The following ERC2 variants were observed in gnomAD, a reference collection of about 807,000 sequenced individuals.
ERC2 encodes ERC protein 2.
ERC2 carries 42 observed loss-of-function variants against 114.8 expected under a neutral mutation model. The observed-to-expected ratio is 0.37, with a 90% confidence interval of 0.29 to 0.47. ERC2 has a LOEUF of 0.47. ERC2 is among the 20% of genes least tolerant of loss of function. The pLI is 0.99. For synonymous variants in ERC2, 454 were observed against 425.5 expected, an observed-to-expected ratio of 1.07 and a Z score of -0.82; for missense variants, 939 against 1,150.7, an observed-to-expected ratio of 0.82 and a Z score of 2.66.
intron 3 of ERC2, among the ~76,000 whole-genome samples, chr3:56,277,042 C>T (rs1401547864): frequency 6.6e-6 from 1 of 152,186 alleles, no homozygotes; most frequent in Non-Finnish European, 1.5e-5. Context: ...GGACCAAACG[C>T]AAAGGTCCCT....
intron 7 of ERC2, among the ~76,000 whole-genome samples, chr3:56,073,707 A>G (rs2076845893): frequency 6.6e-6 from 1 of 152,168 alleles, no homozygotes; most frequent in African/African-American, 2.4e-5. Context: ...CTCCCAACTC[A>G]AGAGTTCACC....
chr3:56,361,467 C>T (rs2058956124), intron 2 of ERC2, among the ~76,000 whole-genome samples: 1 of 152,086 alleles, frequency 6.6e-6, no homozygotes, highest in South Asian at 2.1e-4. Context: ...GAGAAAATTT[C>T]AAAAGTGAAA....
intron 14 of ERC2, among the ~76,000 whole-genome samples, chr3:55,861,070 CA>C (rs2062007424): frequency 6.6e-6 from 1 of 152,230 alleles, no homozygotes; most frequent in Non-Finnish European, 1.5e-5. Flanking sequence ...TGCTCGTTGA[CA>C]AAACCCATCC....
At chr3:56,026,102 G>T (rs977107744) in intron 7 of ERC2, among the ~76,000 whole-genome samples, 1 of 104,670 alleles carries the variant, frequency 9.6e-6, no homozygotes, top group Admixed American at 1.5e-4. Flanking sequence ...GTCTCACTCT[G>T]TTGCCCAGGC....
chr3:56,160,147 C>A (rs1265119372), intron 4 of ERC2, among the ~76,000 whole-genome samples: 1 of 152,194 alleles, frequency 6.6e-6, no homozygotes, highest in Non-Finnish European at 1.5e-5. Context: ...TCTCCACAAC[C>A]TCACTAGCAT....
At chr3:56,011,897 G>C (rs1424912396) in intron 8 of ERC2, among the ~76,000 whole-genome samples, 1 of 152,092 alleles carries the variant, frequency 6.6e-6, no homozygotes, top group African/African-American at 2.4e-5. Context: ...TGTGATTTAA[G>C]ATCCCCCGAG....
chr3:56,020,049 T>G (rs13061634), intron 7 of ERC2, among the ~76,000 whole-genome samples: 1 of 152,104 alleles, frequency 6.6e-6, no homozygotes, highest in South Asian at 2.1e-4. Flanking sequence ...GTATCTGGAA[T>G]GGTAATCCAA....
intron 14 of ERC2, among the ~76,000 whole-genome samples, chr3:55,798,804 G>A (rs1367875302): frequency 2.0e-5 from 3 of 151,164 alleles, no homozygotes; most frequent in Non-Finnish European, 4.4e-5. Context: ...AAATTGAAAT[G>A]GTTTATCACC....
chr3:55,609,578 T>C (rs962244276), intron 17 of ERC2, among the ~76,000 whole-genome samples: 1 of 152,144 alleles, frequency 6.6e-6, no homozygotes, highest in African/African-American at 2.4e-5. Flanking sequence ...CGCTTCATGC[T>C]GCGAGTTACA....
chr3:55,998,334 T>C (rs1395082305), intron 10 of ERC2, among the ~76,000 whole-genome samples: 1 of 152,162 alleles, frequency 6.6e-6, no homozygotes, highest in African/African-American at 2.4e-5. Context: ...TAATTATTAA[T>C]GCAATCCTTT....
At chr3:55,749,270 G>C (rs181176273) in intron 14 of ERC2, among the ~76,000 whole-genome samples, 19 of 152,314 alleles carry the variant, frequency 1.2e-4, no homozygotes, top group African/African-American at 4.3e-4. Context: ...CCGATCTGTT[G>C]AATGCTGAGA....
chr3:55,545,691 T>C (rs2054695433), intron 17 of ERC2, among the ~76,000 whole-genome samples: 1 of 152,030 alleles, frequency 6.6e-6, no homozygotes. Context: ...ACACCAACAC[T>C]GCAAAGAACA....
At chr3:55,515,470 C>T (rs772798044) in intron 17 of ERC2, among the ~76,000 whole-genome samples, 80 of 151,984 alleles carry the variant, frequency 5.3e-4, no homozygotes, top group Non-Finnish European at 8.2e-4. Context: ...CTGGTTCAAG[C>T]GATTCTCCTG....
At chr3:55,792,684 G>A (rs1015878067) in intron 14 of ERC2, among the ~76,000 whole-genome samples, 4 of 152,120 alleles carry the variant, frequency 2.6e-5, no homozygotes, top group Non-Finnish European at 5.9e-5. Flanking sequence ...TCTGGATCCC[G>A]GACAACTTTT....
chr3:56,386,319 C>A (rs989213115), intron 2 of ERC2, among the ~76,000 whole-genome samples: 1 of 152,106 alleles, frequency 6.6e-6, no homozygotes, highest in Non-Finnish European at 1.5e-5. Flanking sequence ...CACAGTGAAA[C>A]ACTCCAAGCA....
chr3:55,936,248 G>C (rs2066437735), intron 13 of ERC2, among the ~76,000 whole-genome samples: 1 of 152,154 alleles, frequency 6.6e-6, no homozygotes, highest in African/African-American at 2.4e-5. Context: ...AATCCTCAGA[G>C]CTGCTATGGA....
At chr3:56,427,391 A>T (rs1480311845) in intron 2 of ERC2, among the ~76,000 whole-genome samples, 3 of 151,966 alleles carry the variant, frequency 2.0e-5, no homozygotes, top group Non-Finnish European at 4.4e-5. Context: ...CTCCCAAAGT[A>T]TTGGGATTAC....
intron 7 of ERC2, among the ~76,000 whole-genome samples, chr3:56,023,421 C>T (rs971610753): frequency 1.3e-5 from 2 of 152,148 alleles, no homozygotes; most frequent in African/African-American, 4.8e-5. Flanking sequence ...TATTCCCTAG[C>T]ACGAGGATCT....
chr3:55,850,102 C>T (rs1421309521), intron 14 of ERC2, among the ~76,000 whole-genome samples: 1 of 152,188 alleles, frequency 6.6e-6, no homozygotes, highest in Non-Finnish European at 1.5e-5. Context: ...AGATGCATTA[C>T]TTCTCTGCCT....
Sources: allele counts gnomAD v4.1 joint callset (sites outside exome capture counted in the v4.1 genomes callset), GRCh38; gene constraint gnomAD v4.1.1; transcripts MANE v1.5; gene names NCBI Gene and HGNC (gene_info 2026-07-23, HGNC 2026-07-21).